The following FOXN3 variants were observed in gnomAD, a reference collection of about 807,000 sequenced individuals.
FOXN3 encodes forkhead box protein N3.
A neutral mutation model predicts 38.4 loss-of-function variants in FOXN3; 7 were observed. That is an observed-to-expected ratio of 0.18 (90% confidence interval 0.10 to 0.34). The LOEUF (loss-of-function observed/expected upper bound fraction) is 0.34. Among genes scored for constraint, FOXN3 ranks in the 10% least tolerant of loss-of-function variants. FOXN3 has a pLI of 1.00. For missense variants in FOXN3, 456 were observed against 613.4 expected (o/e 0.74, Z 2.71); for synonymous variants, 230 against 242.2 (o/e 0.95, Z 0.47).
At chr14:89,434,183 A>C (rs1892225175) in intron 1 of FOXN3, among the ~76,000 whole-genome samples, 1 of 151,094 alleles carries the variant, frequency 6.6e-6, no homozygotes, top group African/African-American at 2.4e-5. Flanking sequence ...TCACTGTCCC[A>C]AAGTGCTGGG....
At chr14:89,476,533 G>A (rs2139753470) in intron 1 of FOXN3, among the ~76,000 whole-genome samples, 1 of 152,336 alleles carries the variant, frequency 6.6e-6, no homozygotes, top group Non-Finnish European at 1.5e-5. Context: ...TCTGGTTAAT[G>A]CTCAAATATC....
chr14:89,177,009 CTTTTTTT>C (rs34575638), intron 5 of FOXN3, among the ~76,000 whole-genome samples: 89 of 114,196 alleles, frequency 7.8e-4, no homozygotes, highest in Non-Finnish European at 1.2e-3. Context: ...CTCTTTCTTT[CTTTTTTT>C]TTTTTTTTTT....
At chr14:89,330,168 C>A (rs1290198079) in intron 3 of FOXN3, among the ~76,000 whole-genome samples, 1 of 152,176 alleles carries the variant, frequency 6.6e-6, no homozygotes, top group Non-Finnish European at 1.5e-5. Context: ...GAGATTCTGA[C>A]AGGGTGGCTG....
chr14:89,563,097 A>T (rs577900155), intron 1 of FOXN3, among the ~76,000 whole-genome samples: 1 of 152,068 alleles, frequency 6.6e-6, no homozygotes, highest in East Asian at 1.9e-4. Flanking sequence ...CAAAACACAA[A>T]CTCTGTCTTA....
At chr14:89,583,438 G>A (rs1363283749) in intron 1 of FOXN3, among the ~76,000 whole-genome samples, 1 of 152,134 alleles carries the variant, frequency 6.6e-6, no homozygotes, top group Non-Finnish European at 1.5e-5. Flanking sequence ...TTGCGCTTCC[G>A]CCTTCTGCCA....
At chr14:89,465,378 C>T (rs952786440) in intron 1 of FOXN3, among the ~76,000 whole-genome samples, 2 of 152,180 alleles carry the variant, frequency 1.3e-5, no homozygotes, top group East Asian at 1.9e-4. Context: ...TACAGGCACC[C>T]GCCACCACTC....
At chr14:89,347,961 G>C (rs1463950441) in intron 3 of FOXN3, among the ~76,000 whole-genome samples, 1 of 145,988 alleles carries the variant, frequency 6.8e-6, no homozygotes, top group African/African-American at 2.6e-5. Flanking sequence ...TCAAAAAAAA[G>C]CAAAAAAGGA....
chr14:89,609,845 A>G (rs2139952511), intron 1 of FOXN3, among the ~76,000 whole-genome samples: 1 of 152,262 alleles, frequency 6.6e-6, no homozygotes, highest in South Asian at 2.1e-4. Context: ...TAAAGAAAGC[A>G]ATGAGAAGCC....
At chr14:89,297,600 T>G (rs1039120085) in intron 3 of FOXN3, among the ~76,000 whole-genome samples, 4 of 150,778 alleles carry the variant, frequency 2.7e-5, no homozygotes, top group Non-Finnish European at 4.4e-5. Flanking sequence ...TGCCATCAAA[T>G]CTAACAGTTC....
At chr14:89,596,288 C>T (rs1286766750) in intron 1 of FOXN3, among the ~76,000 whole-genome samples, 19 of 152,084 alleles carry the variant, frequency 1.2e-4, no homozygotes, top group Non-Finnish European at 1.2e-4. Flanking sequence ...TAGGCACGTG[C>T]CACCAAGCCT....
chr14:89,352,266 T>C (rs1889000744), intron 2 of FOXN3, among the ~76,000 whole-genome samples: 1 of 152,234 alleles, frequency 6.6e-6, no homozygotes, highest in East Asian at 1.9e-4. Context: ...CATTCCTACG[T>C]GTTTTTTCCT....
intron 4 of FOXN3, among the ~76,000 whole-genome samples, chr14:89,222,830 T>G (rs1349316964): frequency 2.0e-5 from 3 of 152,196 alleles, no homozygotes; most frequent in Non-Finnish European, 4.4e-5. Context: ...AAATAAAAAT[T>G]TTAAAAAAGG....
chr14:89,490,305 T>C (rs192780758), intron 1 of FOXN3, among the ~76,000 whole-genome samples: 247 of 152,354 alleles, frequency 1.6e-3, no homozygotes, highest in Non-Finnish European at 2.7e-3. Context: ...CCCAATGATA[T>C]CAGCGTTTAG....
At chr14:89,436,110 A>T (rs186105980) in intron 1 of FOXN3, among the ~76,000 whole-genome samples, 2 of 151,540 alleles carry the variant, frequency 1.3e-5, no homozygotes, top group Non-Finnish European at 2.9e-5. Context: ...CAAAATGCTG[A>T]GATCACAGGA....
intron 1 of FOXN3, among the ~76,000 whole-genome samples, chr14:89,509,632 G>A (rs2139804046): frequency 1.3e-5 from 2 of 152,344 alleles, no homozygotes; most frequent in Admixed American, 1.3e-4. Context: ...ACCACGCCCA[G>A]CATTGTCCAT....
At chr14:89,288,651 GC>G (rs1208886965) in intron 3 of FOXN3, among the ~76,000 whole-genome samples, 22 of 7,422 alleles carry the variant, frequency 3.0e-3, no homozygotes, top group African/African-American at 4.0e-3. Flanking sequence ...TACTCCAAAG[GC>G]TGTAATAGGC....
intron 1 of FOXN3, among the ~76,000 whole-genome samples, chr14:89,519,490 C>A (rs887496945): frequency 1.3e-5 from 2 of 152,108 alleles, no homozygotes; most frequent in African/African-American, 4.8e-5. Context: ...CTGGAGCTCT[C>A]TGCGTGTGGT....
At chr14:89,611,391 T>C (rs1192823918) in intron 1 of FOXN3, among the ~76,000 whole-genome samples, 2 of 152,228 alleles carry the variant, frequency 1.3e-5, no homozygotes, top group Non-Finnish European at 2.9e-5. Flanking sequence ...TGCTGCCAAT[T>C]ATAGCCAGTT....
intron 2 of FOXN3, among the ~76,000 whole-genome samples, chr14:89,395,499 T>C (rs1891077252): frequency 2.6e-5 from 4 of 152,124 alleles, no homozygotes; most frequent in Non-Finnish European, 2.9e-5. Flanking sequence ...CACCCTCTCC[T>C]GCCCAGCACA....
Sources: gnomAD v4.1 joint callset for allele counts (sites outside exome capture counted in the v4.1 genomes callset) on GRCh38, gnomAD v4.1.1 for gene constraint, MANE v1.5 for transcripts, NCBI Gene and HGNC (gene_info 2026-07-23, HGNC 2026-07-21) for gene names.